SIM1: variants seen among roughly 807,000 people sequenced by gnomAD.
The protein encoded by SIM1 is single-minded homolog 1.
Under a neutral mutation model 78.2 loss-of-function variants are expected in SIM1, and 18 were observed. That is an observed-to-expected ratio of 0.23 (90% confidence interval 0.16 to 0.34). SIM1 has a LOEUF of 0.34. Among genes scored for constraint, SIM1 ranks in the 10% least tolerant of loss-of-function variants. SIM1 has a pLI of 1.00. For missense variants in SIM1, 939 were observed against 975.1 expected, an observed-to-expected ratio of 0.96 and a Z score of 0.49; for synonymous variants, 417 against 385.2, an observed-to-expected ratio of 1.08 and a Z score of -0.97.
intron 10 of SIM1, among the ~76,000 whole-genome samples, chr6:100,396,359 G>A (rs1462622428): frequency 1.3e-5 from 2 of 152,038 alleles, no homozygotes; most frequent in Non-Finnish European, 2.9e-5. Context: ...TGTTAAGAGG[G>A]GGAAAAGCTT....
chr6:100,421,660 C>T (rs1324294985), intron 9 of SIM1, among the ~76,000 whole-genome samples: 2 of 152,058 alleles, frequency 1.3e-5, no homozygotes, highest in Non-Finnish European at 2.9e-5. Flanking sequence ...TAACTGCAGA[C>T]TGTGGTATGA....
intron 9 of SIM1, among the ~76,000 whole-genome samples, chr6:100,426,367 C>T (rs1333143786): frequency 6.6e-6 from 1 of 152,182 alleles, no homozygotes; most frequent in Non-Finnish European, 1.5e-5. Context: ...TTTGAAATAA[C>T]TCAAATTCCA....
At chr6:100,436,642 C>T (rs2114525031) in intron 9 of SIM1, among the ~76,000 whole-genome samples, 1 of 152,284 alleles carries the variant, frequency 6.6e-6, no homozygotes, top group Non-Finnish European at 1.5e-5. Context: ...ATTAAATGTT[C>T]CAATTGACTC....
At chr6:100,457,730 C>T (rs1161965736) in intron 2 of SIM1, among the ~76,000 whole-genome samples, 2 of 152,246 alleles carry the variant, frequency 1.3e-5, no homozygotes, top group South Asian at 2.1e-4. Flanking sequence ...GCGCACCCGA[C>T]CCCACCTCTG....
At chr6:100,412,905 C>A (rs1316765604) in intron 10 of SIM1, among the ~76,000 whole-genome samples, 1 of 152,090 alleles carries the variant, frequency 6.6e-6, no homozygotes, top group Admixed American at 6.6e-5. Context: ...TATTAACTGT[C>A]ATCTTGCAGC....
chr6:100,421,097 C>T (rs1771568328), intron 9 of SIM1, 139 bp from the exon 10 acceptor site: 4 of 765,352 alleles, frequency 5.2e-6, no homozygotes, highest in Non-Finnish European at 6.2e-6. Flanking sequence ...TCCACAAGCA[C>T]CTGGATTATT....
chr6:100,423,400 G>A (rs182138842), intron 9 of SIM1, among the ~76,000 whole-genome samples: 22 of 152,202 alleles, frequency 1.4e-4, no homozygotes, highest in Admixed American at 1.2e-3. Flanking sequence ...CCTGTTCTGG[G>A]GGCAGGGAGA....
At chr6:100,410,289 T>C (rs1337970908) in intron 10 of SIM1, among the ~76,000 whole-genome samples, 1 of 152,194 alleles carries the variant, frequency 6.6e-6, no homozygotes, top group African/African-American at 2.4e-5. Context: ...GATTCAGCCA[T>C]TCTCCTCCTC....
In SIM1 at chr6:100,463,379, G is replaced by T. The variant is rs1261155475; in HGVS notation, c.90C>A (p.Pro30=). 2.5e-6 allele frequency: 4 copies of T among 1,614,048 alleles called. No individual in the cohort carries two copies. Among genetic ancestry groups the T allele is most frequent in the Non-Finnish European group, 2.5e-6 (3 of 1,179,962 alleles). ...TGTCCAGCTGCGAGGTGATAGCCGA[G>T]GGCAAAGGCAGTAATTTAGCCAGTT... ...FYELAKLLPL[P]SAITSQLDKA... The change falls in exon 2 of 12, where the codon CCC becomes CCA. Residue 30 remains proline (P), a synonymous_variant. Transcript: ENST00000369208.
chr6:100,424,164 G>T (rs1771665464), intron 9 of SIM1, among the ~76,000 whole-genome samples: 1 of 140,068 alleles, frequency 7.1e-6, no homozygotes, highest in African/African-American at 2.7e-5. Flanking sequence ...AAATTAAATA[G>T]GTTTAAATAA....
At chr6:100,396,528 T>C (rs907982782) in intron 10 of SIM1, among the ~76,000 whole-genome samples, 2 of 152,140 alleles carry the variant, frequency 1.3e-5, no homozygotes, top group African/African-American at 4.8e-5. Flanking sequence ...CTCTTGTCAA[T>C]AGGCAGGAAA....
chr6:100,449,298 C>G, intron 6 of SIM1, 65 bp downstream of exon 6: 6 of 1,376,188 alleles, frequency 4.4e-6, no homozygotes, highest in Non-Finnish European at 6.2e-6. Context: ...ATTCCTCCCA[C>G]GCCGCACGCG....
In SIM1 at chr6:100,402,563, T is replaced by A. The variant is rs963824180; in HGVS notation, c.1168-8674A>T. On this transcript the variant is annotated intron_variant, in intron 10 of 11. Coordinates refer to ENST00000369208, the MANE Select transcript of SIM1 (RefSeq NM_005068.3). Reference sequence around the variant, plus strand: ...GGTATTGACATTATTTTCTTTTCTTTTCTCTTTTTTTTTTTTTTTTTTTTT... The same window carrying A: ...GGTATTGACATTATTTTCTTTTCTTATCTCTTTTTTTTTTTTTTTTTTTTT... Among the ~76,000 whole-genome samples the A allele has an allele frequency of 6.8e-5, 9 of 133,230 alleles. 1 individual carries two copies. The highest frequency in any genetic ancestry group is 6.5e-4 in the Admixed American group (8 of 12,226). 87.4% of individuals were successfully genotyped at this position (133,230 alleles called of 152,430 possible).
chr6:100,464,699 C>G lies in SIM1; in HGVS notation c.-553G>C, dbSNP rs1315634012. 6.6e-6 allele frequency: 1 copy of G among 152,218 alleles called. No homozygotes were observed. The highest frequency in any genetic ancestry group is 1.5e-5 in the Non-Finnish European group (1 of 68,128). 9.4% of individuals were successfully genotyped at this position (152,218 alleles called of 1,614,324 possible). A position where few individuals can be genotyped will look rare whatever the true frequency, so the allele number is the denominator to read the frequency against. Reference sequence around the variant, plus strand: ...CTACCGTCCAACCCAGCGACACCGCCGGCCTCTCCGCTTCCCACCGGCAGA... The same window carrying G: ...CTACCGTCCAACCCAGCGACACCGCGGGCCTCTCCGCTTCCCACCGGCAGA... On this transcript the variant is annotated 5_prime_UTR_variant, in exon 1 of 12. Transcript: ENST00000369208.
chr6:100,442,652 A>G (rs977424484), intron 9 of SIM1, among the ~76,000 whole-genome samples: 9 of 152,104 alleles, frequency 5.9e-5, no homozygotes, highest in African/African-American at 2.2e-4. Context: ...GTTTGTATTT[A>G]TATTTTTGTA....
chr6:100,460,258 G>A (rs186048625), intron 2 of SIM1, among the ~76,000 whole-genome samples: 389 of 152,218 alleles, frequency 2.6e-3, no homozygotes, highest in African/African-American at 8.8e-3. Flanking sequence ...AAAAAAAAGT[G>A]TATTCGGCAA....
chr6:100,447,333 C>T lies in SIM1; in HGVS notation c.933G>A (p.Ala311=). 1 of 1,614,210 alleles carries T rather than the reference C, an allele frequency of 6.2e-7. No homozygotes were observed. The highest frequency in any genetic ancestry group is 8.5e-7 in the Non-Finnish European group (1 of 1,180,042). ...AGGAGCGACTGTTGTGCACGATGGT[C>T]GCGTAGCTCTGCACCCATACCCAGC... ...HGGWVWVQSY[A]TIVHNSRSSR... The change falls in exon 9 of 12, where the codon GCG becomes GCA. Residue 311 remains alanine (A), a synonymous_variant. Coordinates refer to ENST00000369208, the MANE Select transcript of SIM1 (RefSeq NM_005068.3).
intron 10 of SIM1, among the ~76,000 whole-genome samples, chr6:100,400,265 G>T (rs1468537211): frequency 1.3e-5 from 2 of 151,768 alleles, no homozygotes; most frequent in Admixed American, 6.6e-5. Context: ...CAGTTAAATT[G>T]TATGGCTATA....
At position 100,390,459 on chromosome 6, in the gene SIM1, T is replaced by G. The variant is rs1283462199; in HGVS notation, c.2203A>C (p.Asn735His). 5 of 1,614,052 alleles carry G rather than the reference T, an allele frequency of 3.1e-6. No individual in the cohort carries two copies. The highest frequency in any genetic ancestry group is 4.2e-6 in the Non-Finnish European group (5 of 1,180,032). ...ETIRNYSLGC[N>H]GSHFDVTSHL... ...GAAGTTACATCAAAGTGTGAGCCAT[T>G]ACAGCCCAAGGAATAGTTTCTAATG... The change falls in exon 12 of 12, where the codon AAT (asparagine) becomes CAT (histidine). Residue 735 changes from asparagine (N) to histidine (H), a missense_variant. Asn to His is a moderately conservative substitution (Grantham distance 68). Coordinates refer to ENST00000369208, the MANE Select transcript of SIM1 (RefSeq NM_005068.3).
Sources: allele counts gnomAD v4.1 joint callset (sites outside exome capture counted in the v4.1 genomes callset), GRCh38; gene constraint gnomAD v4.1.1; transcripts MANE v1.5; gene names NCBI Gene and HGNC (gene_info 2026-07-23, HGNC 2026-07-21).